The following FAM3C variants were observed in gnomAD, a reference collection of about 807,000 sequenced individuals.
FAM3C encodes the protein protein FAM3C.
Under a neutral mutation model 32.5 loss-of-function variants are expected in FAM3C, and 15 were observed. The ratio of observed to expected loss-of-function variants is 0.46; its 90% CI spans 0.31 to 0.71. The LOEUF is 0.71. Among genes scored for constraint, FAM3C ranks in the 30% least tolerant of loss-of-function variants. The pLI, the probability that FAM3C is intolerant of heterozygous loss-of-function variation, is 0.05. For missense variants in FAM3C, 175 were observed against 274.4 expected, an observed-to-expected ratio of 0.64 and a Z score of 2.56; for synonymous variants, 75 against 86.1, an observed-to-expected ratio of 0.87 and a Z score of 0.72.
chr7:121,351,440 T>C (rs925966666), intron 8 of FAM3C, 171 bp from the exon 9 acceptor site: 1 of 531,164 alleles, frequency 1.9e-6, no homozygotes, highest in Non-Finnish European at 3.2e-6. Flanking sequence ...AATTCTTTAG[T>C]GACAAAAGAC....
chr7:121,378,706 T>C (rs1415557909), intron 3 of FAM3C, among the ~76,000 whole-genome samples: 1 of 113,250 alleles, frequency 8.8e-6, no homozygotes, highest in Non-Finnish European at 1.9e-5. Flanking sequence ...ATGTTCAAAA[T>C]GTTGAATAGA....
At chr7:121,388,235 A>AACACACACACACACAC (rs10676450) in intron 1 of FAM3C, among the ~76,000 whole-genome samples, 12 of 147,822 alleles carry the variant, frequency 8.1e-5, no homozygotes, top group African/African-American at 3.0e-4. Context: ...CCACCATTTT[A>AACACACACACACACAC]ACACACACAC....
intron 1 of FAM3C, among the ~76,000 whole-genome samples, chr7:121,383,889 G>A (rs574289754): frequency 1.3e-5 from 2 of 152,240 alleles, no homozygotes; most frequent in East Asian, 3.9e-4. Context: ...AAATTTTGAT[G>A]GATGAATCCC....
At chr7:121,388,096 T>C (rs1332555275) in intron 1 of FAM3C, among the ~76,000 whole-genome samples, 3 of 152,136 alleles carry the variant, frequency 2.0e-5, no homozygotes, top group South Asian at 2.1e-4. Flanking sequence ...GTTAGAAATA[T>C]TGTAAATTTA....
At chr7:121,351,434 C>A in intron 8 of FAM3C, 165 bp from the exon 9 acceptor site, 1 of 555,306 alleles carries the variant, frequency 1.8e-6, no homozygotes, top group Non-Finnish European at 2.9e-6. Flanking sequence ...TGGTTGAATT[C>A]TTTAGTGACA....
intron 8 of FAM3C, among the ~76,000 whole-genome samples, chr7:121,352,654 C>T (rs10250624): frequency 0.25 from 38,756 of 152,170 alleles, 5,896 homozygotes; most frequent in African/African-American, 0.44. Flanking sequence ...CTGGCTTTCC[C>T]TCCACAGTTC....
In FAM3C at chr7:121,371,392, G is replaced by A; in HGVS notation, c.180C>T (p.Ile60=). ...STKPPRYKCG[I]SKACPEKHFA... is the part of the protein sequence containing the mutation. ...AATGCTTCTCAGGGCAAGCTTTTGA[G>A]ATCCCACACTTATATCTGGGAGGCT... The change falls in exon 5 of 10, where the codon ATC becomes ATT. Residue 60 remains isoleucine (I), a synonymous_variant. Coordinates refer to ENST00000359943, the MANE Select transcript of FAM3C (RefSeq NM_014888.3). 2 of 1,613,936 alleles carry A rather than the reference G, an allele frequency of 1.2e-6. No homozygotes were observed. Among genetic ancestry groups the A allele is most frequent in the South Asian group, 2.2e-5 (2 of 91,078 alleles).
At chr7:121,356,210 T>C (rs762861301) in intron 8 of FAM3C, among the ~76,000 whole-genome samples, 2 of 152,190 alleles carry the variant, frequency 1.3e-5, no homozygotes, top group African/African-American at 4.8e-5. Context: ...AGCATCTGCA[T>C]TGTACCTTGT....
At chr7:121,355,267 C>T (rs1043528554) in intron 8 of FAM3C, among the ~76,000 whole-genome samples, 1 of 152,186 alleles carries the variant, frequency 6.6e-6, no homozygotes, top group African/African-American at 2.4e-5. Flanking sequence ...CCCCCTCCCC[C>T]ACTTCACACT....
intron 8 of FAM3C, 33 bp downstream of exon 8, chr7:121,360,010 A>T: frequency 9.3e-7 from 1 of 1,076,188 alleles, no homozygotes; most frequent in Non-Finnish European, 1.4e-6. Flanking sequence ...ATTACAAATT[A>T]TAGTTCCAAA....
intron 8 of FAM3C, among the ~76,000 whole-genome samples, chr7:121,356,165 A>G (rs886533166): frequency 6.7e-6 from 1 of 150,298 alleles, no homozygotes; most frequent in Non-Finnish European, 1.5e-5. Context: ...CTGCATGAAT[A>G]TTCAAAGAAA....
At chr7:121,382,023 A>G (rs945644008) in intron 2 of FAM3C, among the ~76,000 whole-genome samples, 65 of 152,292 alleles carry the variant, frequency 4.3e-4, no homozygotes, top group Admixed American at 1.7e-3. Flanking sequence ...CTGAGATGAC[A>G]ATTAAGAAAA....
chr7:121,380,676 G>A (rs1347406375), intron 2 of FAM3C, among the ~76,000 whole-genome samples: 3 of 149,726 alleles, frequency 2.0e-5, no homozygotes, highest in African/African-American at 4.9e-5. Context: ...CCTAGATAAC[G>A]AACCTGTACA....
chr7:121,360,147 T>G lies in FAM3C; in HGVS notation c.383-20A>C. 2.2e-6 allele frequency: 3 copies of G among 1,381,774 alleles called. No homozygotes were observed. Among genetic ancestry groups the G allele is most frequent in the Non-Finnish European group, 3.1e-6 (3 of 973,214 alleles). The allele number at this position is 1,381,774 out of a possible 1,614,324, so 85.6% of individuals were successfully genotyped here. ...CCACATCTGAAGAAAAAGAAAGGGT[T>G]TAGGGTTTTAAAAAATGACTGAATA... On this transcript the variant is annotated intron_variant, in intron 7 of 9. Transcript: ENST00000359943.
chr7:121,367,770 C>T (rs964207230), intron 5 of FAM3C, among the ~76,000 whole-genome samples: 3 of 151,940 alleles, frequency 2.0e-5, no homozygotes, highest in South Asian at 2.1e-4. Context: ...ACTTCAAGAC[C>T]ACCTTGGGCA....
In FAM3C at chr7:121,385,637, T is replaced by C. The variant is rs192444591; in HGVS notation, c.-41-2627A>G. Reference sequence around the variant, plus strand: ...TAAGGAGTCATTGTTCTAGAATAAATTAACTTCAGGAACAACAGAGTAAAA... The same window carrying C: ...TAAGGAGTCATTGTTCTAGAATAAACTAACTTCAGGAACAACAGAGTAAAA... On this transcript the variant is annotated intron_variant, in intron 1 of 9. Transcript: ENST00000359943. Among the ~76,000 whole-genome samples, 164 of 152,294 alleles carry C rather than the reference T, an allele frequency of 1.1e-3. 1 individual carries two copies. The highest frequency in any genetic ancestry group is 1.6e-3 in the Non-Finnish European group (110 of 68,012).
At position 121,384,194 on chromosome 7, in the gene FAM3C, C is replaced by G. The variant is rs1239919622; in HGVS notation, c.-41-1184G>C. ...CCCTAAAGAAAAAACAACACTTAAA[C>G]TGAGTTGTGTGTCATTGATTTCCTT... On this transcript the variant is annotated intron_variant, in intron 1 of 9. Transcript: ENST00000359943. Among the ~76,000 whole-genome samples the G allele has an allele frequency of 4.6e-5, 7 of 152,274 alleles. No individual in the cohort carries two copies. In the South Asian group the frequency reaches 1.5e-3, roughly 32 times the overall value.
intron 3 of FAM3C, among the ~76,000 whole-genome samples, chr7:121,373,298 T>C (rs1244688545): frequency 1.3e-5 from 2 of 152,210 alleles, no homozygotes. Context: ...AGACTTTTCT[T>C]TCCAGAAGAA....
chr7:121,375,082 A>G (rs974160836), intron 3 of FAM3C, among the ~76,000 whole-genome samples: 3 of 152,198 alleles, frequency 2.0e-5, no homozygotes, highest in Admixed American at 1.3e-4. Context: ...GGGGACAGAC[A>G]CAGGAAAAAG....
Sources: allele counts gnomAD v4.1 joint callset (sites outside exome capture counted in the v4.1 genomes callset), GRCh38; gene constraint gnomAD v4.1.1; transcripts MANE v1.5; gene names NCBI Gene and HGNC (gene_info 2026-07-23, HGNC 2026-07-21).